XRCC4: variants seen among roughly 807,000 people sequenced by gnomAD.
The protein encoded by XRCC4 is X-ray repair cross complementing 4, also known as DNA repair protein XRCC4.
Under a neutral mutation model 39.1 loss-of-function variants are expected in XRCC4, and 28 were observed. The observed-to-expected ratio is 0.72, with a 90% CI of 0.53 to 0.98. The LOEUF is 0.98. Among genes scored for constraint, XRCC4 ranks in the 50% least tolerant of loss-of-function variants. The probability of loss-of-function intolerance (pLI) is 0.00; values close to 1 mark genes in which losing one functional copy is unlikely to be tolerated. For synonymous variants in XRCC4, 123 were observed against 126.4 expected, an observed-to-expected ratio of 0.97 and a Z score of 0.18; for missense variants, 350 against 376.4, an observed-to-expected ratio of 0.93 and a Z score of 0.58.
At position 83,186,941 on chromosome 5, in the gene XRCC4, A is replaced by ATTTTTTTTTTTTTTTT. The variant is rs770811313; in HGVS notation, c.316-8824_316-8809dup. Among the ~76,000 whole-genome samples, 35 of 87,492 alleles carry ATTTTTTTTTTTTTTTT rather than the reference A, an allele frequency of 4.0e-4. 5 individuals carry two copies. Among genetic ancestry groups the ATTTTTTTTTTTTTTTT allele is most frequent in the African/African-American group, 2.0e-3 (34 of 16,632 alleles). The allele number at this position is 87,492 out of a possible 152,430, so 57.4% of individuals were successfully genotyped here. ...TTTTGGCTCATGGCCTGCTTCTTCC[A>ATTTTTTTTTTTTTTTT]TTTTTTTTTTTTTTTTTTTTGAGAC... On this transcript the variant is annotated intron_variant, in intron 3 of 7. Transcript: ENST00000396027.
Position 83,094,564 on chromosome 5 carries a change from T to G in XRCC4, c.-10-10346T>G, listed in dbSNP as rs371545408. 5.9e-5 allele frequency among the ~76,000 whole-genome samples: 9 copies of G among 152,058 alleles called. No homozygotes were observed. In the South Asian group the frequency reaches 6.2e-4, roughly 11 times the overall value. ...TTCATTTTTCAGTTTAGTCGTTGTA[T>G]TCTTCATCTCCTGGATATTCATTTT... On this transcript the variant is annotated intron_variant, in intron 1 of 7. Coordinates refer to ENST00000396027, the MANE Select transcript of XRCC4 (RefSeq NM_003401.5).
chr5:83,079,916 G>A (rs986804026), intron 1 of XRCC4, among the ~76,000 whole-genome samples: 1 of 152,124 alleles, frequency 6.6e-6, no homozygotes, highest in African/African-American at 2.4e-5. Context: ...AAAATCGTAT[G>A]TAAAAATAGT....
At chr5:83,314,741 G>A (rs1036274892) in intron 7 of XRCC4, among the ~76,000 whole-genome samples, 4 of 152,064 alleles carry the variant, frequency 2.6e-5, no homozygotes, top group Non-Finnish European at 5.9e-5. Context: ...ATTTTGGGGT[G>A]CCACAAACCA....
chr5:83,119,317 A>C (rs1214543532), intron 3 of XRCC4, among the ~76,000 whole-genome samples: 1 of 152,206 alleles, frequency 6.6e-6, no homozygotes, highest in Non-Finnish European at 1.5e-5. Flanking sequence ...TGAATGCCTG[A>C]AAAGGAAATC....
chr5:83,358,167 T>C (rs1757211076), downstream of XRCC4, among the ~76,000 whole-genome samples: 2 of 152,154 alleles, frequency 1.3e-5, no homozygotes, highest in Admixed American at 6.6e-5. Context: ...TAACCTAAAG[T>C]GGTTTTCTCC....
At position 83,099,188 on chromosome 5, in the gene XRCC4, G is replaced by A. The variant is rs544830531; in HGVS notation, c.-10-5722G>A. 3.9e-5 allele frequency among the ~76,000 whole-genome samples: 6 copies of A among 152,256 alleles called. No individual in the cohort carries two copies. The East Asian group carries it at 5.8e-4, about 15-fold the overall frequency. On this transcript the variant is annotated intron_variant, in intron 1 of 7. Coordinates refer to ENST00000396027, the MANE Select transcript of XRCC4 (RefSeq NM_003401.5). ...TCAGCCTACTTTTCTCAACAAGGGGGCACTTAAGTTAATTGCTTCATTAGA... is the reference window on the plus strand; with the variant it reads ...TCAGCCTACTTTTCTCAACAAGGGGACACTTAAGTTAATTGCTTCATTAGA...
intron 7 of XRCC4, among the ~76,000 whole-genome samples, chr5:83,325,331 T>C (rs1258602156): frequency 6.6e-6 from 1 of 152,104 alleles, no homozygotes; most frequent in East Asian, 1.9e-4. Flanking sequence ...AGTTCAGGGG[T>C]ACATGTGCAG....
At chr5:83,206,262 C>T (rs1751417156) in intron 6 of XRCC4, among the ~76,000 whole-genome samples, 1 of 152,012 alleles carries the variant, frequency 6.6e-6, no homozygotes, top group South Asian at 2.1e-4. Context: ...GCTAGTACAA[C>T]AATTCGGTGA....
At chr5:83,174,872 TATTATAATC>T (rs1749882349) in intron 3 of XRCC4, among the ~76,000 whole-genome samples, 2 of 149,744 alleles carry the variant, frequency 1.3e-5, no homozygotes, top group East Asian at 3.9e-4. Flanking sequence ...CATGGTGTGG[TATTATAATC>T]ATAGTTTGTA....
At chr5:83,255,430 T>G (rs1753501896) in intron 6 of XRCC4, among the ~76,000 whole-genome samples, 1 of 152,206 alleles carries the variant, frequency 6.6e-6, no homozygotes, top group East Asian at 1.9e-4. Context: ...TTTTTCTTCA[T>G]GCCAATTTTA....
intron 7 of XRCC4, among the ~76,000 whole-genome samples, chr5:83,265,379 CATG>C (rs1202596617): frequency 1.3e-5 from 2 of 152,066 alleles, no homozygotes; most frequent in African/African-American, 4.8e-5. Context: ...CAAAAGTAAA[CATG>C]GTGGTGGTTT....
chr5:83,270,485 C>T (rs1409679321), intron 7 of XRCC4, among the ~76,000 whole-genome samples: 8 of 152,096 alleles, frequency 5.3e-5, no homozygotes, highest in African/African-American at 1.9e-4. Flanking sequence ...AGCCATAATC[C>T]TTTTGCATGC....
chr5:83,105,484 C>T (rs1274004818), intron 2 of XRCC4, among the ~76,000 whole-genome samples: 1 of 152,066 alleles, frequency 6.6e-6, no homozygotes, highest in Non-Finnish European at 1.5e-5. Flanking sequence ...CCCCAGTGAA[C>T]ATATATTACA....
intron 3 of XRCC4, among the ~76,000 whole-genome samples, chr5:83,146,321 A>C (rs1278348204): frequency 6.6e-6 from 1 of 152,238 alleles, no homozygotes; most frequent in Non-Finnish European, 1.5e-5. Context: ...AGCTATTTCA[A>C]ACTGAATTGG....
chr5:83,143,071 A>C (rs896263518), intron 3 of XRCC4, among the ~76,000 whole-genome samples: 4 of 152,134 alleles, frequency 2.6e-5, no homozygotes, highest in Non-Finnish European at 4.4e-5. Flanking sequence ...CTTTTTGATG[A>C]AAAATGATAA....
At chr5:83,113,202 G>A (rs755256204) in intron 3 of XRCC4, among the ~76,000 whole-genome samples, 15 of 152,162 alleles carry the variant, frequency 9.9e-5, no homozygotes, top group Admixed American at 3.3e-4. Flanking sequence ...GGCTACAGGC[G>A]CCATGCAAGT....
intron 7 of XRCC4, among the ~76,000 whole-genome samples, chr5:83,277,887 T>C (rs553458024): frequency 6.6e-6 from 1 of 152,336 alleles, no homozygotes; most frequent in East Asian, 1.9e-4. Context: ...TAATATCTTG[T>C]TTAAGAAAAA....
At chr5:83,097,567 A>G (rs1745739291) in intron 1 of XRCC4, among the ~76,000 whole-genome samples, 1 of 152,056 alleles carries the variant, frequency 6.6e-6, no homozygotes, top group Non-Finnish European at 1.5e-5. Flanking sequence ...TTTTAAGTAG[A>G]AAAGACTGTA....
intron 7 of XRCC4, among the ~76,000 whole-genome samples, chr5:83,292,968 A>G (rs1243743128): frequency 6.6e-6 from 1 of 151,968 alleles, no homozygotes; most frequent in Non-Finnish European, 1.5e-5. Flanking sequence ...TCTAGGTATA[A>G]TTAGTCACAA....
Sources: allele counts gnomAD v4.1 joint callset (sites outside exome capture counted in the v4.1 genomes callset), GRCh38; gene constraint gnomAD v4.1.1; transcripts MANE v1.5; gene names NCBI Gene and HGNC (gene_info 2026-07-23, HGNC 2026-07-21).